The following MTMR9 variants were observed in gnomAD, a reference collection of about 807,000 sequenced individuals.
The protein encoded by MTMR9 is myotubularin related protein 9.
In MTMR9, 39 loss-of-function variants were observed where a neutral mutation model predicts 69.5. The observed-to-expected ratio is 0.56, with a 90% CI of 0.43 to 0.73. The LOEUF is 0.73. Ranked by LOEUF, MTMR9 falls within the 30% of genes least tolerant of loss-of-function variation. The pLI is 0.00. For missense variants in MTMR9, 900 were observed against 671.2 expected (o/e 1.34, Z -3.77); for synonymous variants, 354 against 240.8 (o/e 1.47, Z -4.35).
Position 11,314,438 on chromosome 8 carries a change from A to T in MTMR9, c.972-485A>T, listed in dbSNP as rs11990108. On this transcript the variant is annotated intron_variant, in intron 6 of 9. Coordinates refer to ENST00000221086, the MANE Select transcript of MTMR9 (RefSeq NM_015458.4). Reference sequence around the variant, plus strand: ...GTGTGGTCTAGGTCTCATTTTCCAGATTGAATTACAGTTTATGAAGGTGTC... The same window carrying T: ...GTGTGGTCTAGGTCTCATTTTCCAGTTTGAATTACAGTTTATGAAGGTGTC... 2.5e-3 allele frequency among the ~76,000 whole-genome samples: 375 copies of T among 152,094 alleles called. 1 individual carries two copies. Among genetic ancestry groups the T allele is most frequent in the African/African-American group, 8.3e-3 (344 of 41,470 alleles).
chr8:11,329,859 AG>A (rs1801126135), downstream of MTMR9, among the ~76,000 whole-genome samples: 1 of 146,758 alleles, frequency 6.8e-6, no homozygotes, highest in Admixed American at 6.8e-5. Context: ...CATCCCGTCT[AG>A]GAAGTGAGGA....
rs772580632 is a variant in MTMR9, at chr8:11,323,424, C to T, written c.*636C>T. 16 of 152,086 alleles carry T rather than the reference C, an allele frequency of 1.1e-4. No individual in the cohort carries two copies. The highest frequency in any genetic ancestry group is 5.9e-4 in the Admixed American group (9 of 15,272). The allele number at this position is 152,086 out of a possible 1,614,324, so 9.4% of individuals were successfully genotyped here. A position where few individuals can be genotyped will look rare whatever the true frequency, so the allele number is the denominator to read the frequency against. The stretch of plus-strand genomic sequence containing the variant: ...TACAAGGGCAACAGGTATGGTCCTC[C>T]GATATTTACATTAAGAAGAGTTAAA... On this transcript the variant is annotated 3_prime_UTR_variant, in exon 10 of 10. Coordinates refer to ENST00000221086, the MANE Select transcript of MTMR9 (RefSeq NM_015458.4).
chr8:11,323,015 G>C lies in MTMR9; in HGVS notation c.*227G>C, dbSNP rs550764252. 1.2e-4 allele frequency: 43 copies of C among 351,238 alleles called. No individual in the cohort carries two copies. Among genetic ancestry groups the C allele is most frequent in the Admixed American group, 2.8e-4 (6 of 21,570 alleles). 21.8% of individuals were successfully genotyped at this position (351,238 alleles called of 1,614,324 possible). A position where few individuals can be genotyped will look rare whatever the true frequency, so the allele number is the denominator to read the frequency against. ...CCTGTCACTTTGGGAGCCGGAAGGA[G>C]GTGCTAGTCATTTTATTTTTACGTG... is the stretch of plus-strand genomic sequence containing the variant. On this transcript the variant is annotated 3_prime_UTR_variant, in exon 10 of 10. Transcript: ENST00000221086.
At chr8:11,317,712 G>A (rs981124899) in intron 8 of MTMR9, 3 of 152,288 alleles carry the variant, frequency 2.0e-5, no homozygotes, top group African/African-American at 7.2e-5. Context: ...CAGGCCCAGA[G>A]TGGCAAGCTC....
At chr8:11,319,584 C>T (rs999609810) in intron 8 of MTMR9, 103 bp from the exon 9 acceptor site, 2 of 1,224,664 alleles carry the variant, frequency 1.6e-6, no homozygotes, top group Admixed American at 2.2e-5. Context: ...GTCTTGTATT[C>T]TATCTTCTTT....
chr8:11,337,072 A>T, the MTMR9 span, among the ~76,000 whole-genome samples: 2 of 152,140 alleles, frequency 1.3e-5, no homozygotes, highest in Non-Finnish European at 2.9e-5. Flanking sequence ...CTGGACTGTT[A>T]TCTACTGGGA....
At chr8:11,286,666 CAA>C (rs869105936) in intron 1 of MTMR9, among the ~76,000 whole-genome samples, 147 of 71,644 alleles carry the variant, frequency 2.1e-3, no homozygotes, top group African/African-American at 6.2e-3. Flanking sequence ...AACTCCATCT[CAA>C]AAAAAAAAAA....
chr8:11,331,686 G>A (rs546560690), downstream of MTMR9: 4 of 1,612,064 alleles, frequency 2.5e-6, no homozygotes, highest in African/African-American at 2.7e-5. Context: ...CCTGGGCTAT[G>A]TGCAGGCTTT....
At chr8:11,315,410 C>T (rs551152549) in intron 7 of MTMR9, among the ~76,000 whole-genome samples, 26 of 152,218 alleles carry the variant, frequency 1.7e-4, no homozygotes, top group African/African-American at 5.3e-4. Flanking sequence ...CCTGTAGTTG[C>T]AAGGAAAGCG....
the MTMR9 span, among the ~76,000 whole-genome samples, chr8:11,338,733 G>C: frequency 6.6e-6 from 1 of 152,164 alleles, no homozygotes; most frequent in Non-Finnish European, 1.5e-5. Context: ...TACATTTTTT[G>C]CTCAGTTTCT....
intron 1 of MTMR9, among the ~76,000 whole-genome samples, chr8:11,287,493 G>C (rs1387580613): frequency 1.3e-5 from 2 of 151,638 alleles, no homozygotes; most frequent in Non-Finnish European, 2.9e-5. Flanking sequence ...GAGCATAGGG[G>C]AGGCATCAGA....
chr8:11,310,653 G>A (rs1800160662), intron 6 of MTMR9, among the ~76,000 whole-genome samples: 2 of 152,242 alleles, frequency 1.3e-5, no homozygotes, highest in Middle Eastern at 6.8e-3. Context: ...AAAGACCAAG[G>A]TTCTGTGGCA....
chr8:11,329,394 G>A (rs1446041503), downstream of MTMR9, among the ~76,000 whole-genome samples: 1 of 152,270 alleles, frequency 6.6e-6, no homozygotes, highest in African/African-American at 2.4e-5. Context: ...CTGCCATCTC[G>A]GCTCACTGCA....
intron 6 of MTMR9, among the ~76,000 whole-genome samples, chr8:11,313,452 C>T (rs1357348504): frequency 6.6e-6 from 1 of 152,232 alleles, no homozygotes; most frequent in Non-Finnish European, 1.5e-5. Flanking sequence ...GCATTCACAA[C>T]TTGATTAACT....
chr8:11,322,360 A>G (rs1456271661), intron 9 of MTMR9, among the ~76,000 whole-genome samples: 2 of 152,196 alleles, frequency 1.3e-5, no homozygotes, highest in South Asian at 2.1e-4. Flanking sequence ...ATTTGGATCT[A>G]TTTGATAATT....
chr8:11,304,924 C>T lies in MTMR9; in HGVS notation c.501C>T (p.Ser167=), dbSNP rs756330701. ...CACCAATTGTCACAGTGCCCAAATC[C>T]ATCGATGATGAAGCTCTTCGGAAGG... is the stretch of plus-strand genomic sequence containing the variant. ...SYPPIVTVPK[S]IDDEALRKVA... The change falls in exon 4 of 10, where the codon TCC becomes TCT. Residue 167 remains serine (S), a synonymous_variant. Transcript: ENST00000221086. The T allele has an allele frequency of 1.9e-6, 3 of 1,613,982 alleles. No homozygotes were observed. The highest frequency in any genetic ancestry group is 2.2e-5 in the East Asian group (1 of 44,898).
At chr8:11,314,116 A>G (rs183366454) in intron 6 of MTMR9, among the ~76,000 whole-genome samples, 4 of 152,368 alleles carry the variant, frequency 2.6e-5, no homozygotes, top group Non-Finnish European at 2.9e-5. Context: ...TTAAAGCTCT[A>G]TGTAGTGTAT....
At chr8:11,310,580 A>G (rs1293897575) in intron 6 of MTMR9, among the ~76,000 whole-genome samples, 1 of 152,224 alleles carries the variant, frequency 6.6e-6, no homozygotes, top group Admixed American at 6.5e-5. Flanking sequence ...TTGCCAGGCT[A>G]TCCCTGTTCT....
intron 4 of MTMR9, among the ~76,000 whole-genome samples, chr8:11,305,269 C>G (rs541474378): frequency 6.6e-6 from 1 of 152,262 alleles, no homozygotes. Flanking sequence ...GGACACTATA[C>G]AAAGGAAACT....
Sources: allele counts gnomAD v4.1 joint callset (sites outside exome capture counted in the v4.1 genomes callset), GRCh38; gene constraint gnomAD v4.1.1; transcripts MANE v1.5; gene names NCBI Gene and HGNC (gene_info 2026-07-23, HGNC 2026-07-21).